GABRA3: variants seen among roughly 807,000 people sequenced by gnomAD.
GABRA3 encodes the protein gamma-aminobutyric acid type A receptor subunit alpha3, also known as gamma-aminobutyric acid receptor subunit alpha-3.
In GABRA3, 10 loss-of-function variants were observed where a neutral mutation model predicts 30.1. The observed-to-expected ratio is 0.33, with a 90% CI of 0.20 to 0.56. GABRA3 has a LOEUF of 0.56. GABRA3 is among the 20% of genes least tolerant of loss of function. GABRA3 has a pLI of 0.89. For missense variants in GABRA3, 233 were observed against 392.0 expected, an observed-to-expected ratio of 0.59 and a Z score of 3.42; for synonymous variants, 151 against 146.8, an observed-to-expected ratio of 1.03 and a Z score of -0.21.
At chrX:152,385,989 A>C (rs1484634865) in intron 1 of GABRA3, among the ~76,000 whole-genome samples, 1 of 110,295 alleles carries the variant, frequency 9.1e-6, no homozygotes, top group Non-Finnish European at 1.9e-5. Context: ...TGTTTTGGTT[A>C]CTGTAGCCTT....
At chrX:152,379,757 T>C (rs1036620484) in intron 1 of GABRA3, among the ~76,000 whole-genome samples, 1 of 111,960 alleles carries the variant, frequency 8.9e-6, no homozygotes, top group Non-Finnish European at 1.9e-5. Flanking sequence ...TTTTGAAGAA[T>C]AAGGCAAAAG....
At chrX:152,450,894 A>C (rs1405339967) in intron 1 of GABRA3, among the ~76,000 whole-genome samples, 1 of 112,610 alleles carries the variant, frequency 8.9e-6, no homozygotes, top group African/African-American at 3.2e-5. Context: ...ACTGACAATG[A>C]AGCAAATCAC....
chrX:152,426,910 C>A (rs1930527899), intron 1 of GABRA3, among the ~76,000 whole-genome samples: 1 of 112,111 alleles, frequency 8.9e-6, no homozygotes, highest in African/African-American at 3.2e-5. Flanking sequence ...AGCTAAGAGT[C>A]ATACTTATTT....
chrX:152,341,372 C>A (rs1240912619), intron 3 of GABRA3, among the ~76,000 whole-genome samples: 1 of 110,361 alleles, frequency 9.1e-6, no homozygotes, highest in Admixed American at 9.7e-5. Context: ...ACAATGACTT[C>A]TTTTCCTTTT....
intron 5 of GABRA3, among the ~76,000 whole-genome samples, chrX:152,238,803 G>T (rs1938289063): frequency 9.2e-6 from 1 of 108,204 alleles, no homozygotes; most frequent in Admixed American, 9.8e-5. Flanking sequence ...AGTATTCTCT[G>T]ATGGTAGTTT....
At chrX:152,346,728 C>T (rs770327496) in intron 2 of GABRA3, among the ~76,000 whole-genome samples, 2 of 112,074 alleles carry the variant, frequency 1.8e-5, no homozygotes, top group African/African-American at 3.2e-5. Flanking sequence ...GACAAACAGG[C>T]ATATGAAAAG....
intron 1 of GABRA3, among the ~76,000 whole-genome samples, chrX:152,370,609 C>G (rs1402525002): frequency 2.7e-5 from 3 of 111,855 alleles, no homozygotes; most frequent in African/African-American, 9.8e-5. Context: ...TAATCTAATT[C>G]ATATGTAGCA....
At chrX:152,366,656 T>C (rs1337729506) in intron 1 of GABRA3, among the ~76,000 whole-genome samples, 4 of 112,201 alleles carry the variant, frequency 3.6e-5, no homozygotes, top group Non-Finnish European at 7.5e-5. Context: ...TCTGTGACAG[T>C]GAAACAAAGA....
rs146991474 is a variant in GABRA3 at position 152,261,388 on chromosome X, G to A, written c.331-5390C>T. On this transcript the variant is annotated intron_variant, in intron 4 of 9. Transcript: ENST00000370314. ...AAAAGTCCAAATTCAAAGTTTCATC[G>A]GAGACAAGGCAAGTCCTTTCCACCT... 2.3e-3 allele frequency among the ~76,000 whole-genome samples: 253 copies of A among 111,615 alleles called. 1 individual carries two copies. The highest frequency in any genetic ancestry group is 7.7e-3 in the African/African-American group (237 of 30,702).
chrX:152,440,415 T>C (rs1315869301), intron 1 of GABRA3, among the ~76,000 whole-genome samples: 1 of 112,315 alleles, frequency 8.9e-6, no homozygotes, highest in Non-Finnish European at 1.9e-5. Flanking sequence ...CTTTACACTG[T>C]TGGTGGGAGT....
intron 1 of GABRA3, among the ~76,000 whole-genome samples, chrX:152,368,637 T>C (rs2124497541): frequency 9.0e-6 from 1 of 110,558 alleles, no homozygotes; most frequent in Non-Finnish European, 1.9e-5. Flanking sequence ...TAATTTAATA[T>C]CCTTTGGATA....
chrX:152,183,472 C>G (rs5970222), intron 9 of GABRA3, among the ~76,000 whole-genome samples: 4,254 of 96,888 alleles, frequency 0.044, 144 homozygotes, highest in African/African-American at 0.13. Context: ...AAAGGTTTGT[C>G]TATTTTGTTT....
At chrX:152,395,500 A>G (rs761228548) in intron 1 of GABRA3, among the ~76,000 whole-genome samples, 1 of 111,381 alleles carries the variant, frequency 9.0e-6, no homozygotes, top group African/African-American at 3.3e-5. Flanking sequence ...ATTCAGACGC[A>G]TGTCCCTATC....
chrX:152,447,810 T>A (rs1278348962), intron 1 of GABRA3, among the ~76,000 whole-genome samples: 1 of 112,089 alleles, frequency 8.9e-6, no homozygotes, highest in African/African-American at 3.2e-5. Flanking sequence ...AAGCTGGGTC[T>A]AATTTGGGCC....
intron 5 of GABRA3, among the ~76,000 whole-genome samples, chrX:152,229,981 T>A (rs779125176): frequency 9.0e-6 from 1 of 111,431 alleles, no homozygotes; most frequent in African/African-American, 3.3e-5. Context: ...TCATCTAGCA[T>A]CATAGTTAAT....
At chrX:152,396,843 AATAT>A (rs769008626) in intron 1 of GABRA3, among the ~76,000 whole-genome samples, 2 of 112,101 alleles carry the variant, frequency 1.8e-5, no homozygotes, top group Non-Finnish European at 3.8e-5. Flanking sequence ...TACATGGGCA[AATAT>A]AACTAACATG....
At chrX:152,302,271 A>T (rs973147300) in intron 3 of GABRA3, among the ~76,000 whole-genome samples, 29 of 111,197 alleles carry the variant, frequency 2.6e-4, no homozygotes, top group African/African-American at 7.8e-4. Context: ...AAAAAAAAAT[A>T]GCCAACCACA....
At chrX:152,173,402 G>A (rs1411960054) in intron 9 of GABRA3, among the ~76,000 whole-genome samples, 1 of 111,017 alleles carries the variant, frequency 9.0e-6, no homozygotes, top group African/African-American at 3.3e-5. Flanking sequence ...CATTCCCCAT[G>A]AGGAAGGTTA....
intron 5 of GABRA3, among the ~76,000 whole-genome samples, chrX:152,252,570 T>C (rs1938574625): frequency 9.0e-6 from 1 of 111,656 alleles, no homozygotes; most frequent in African/African-American, 3.2e-5. Context: ...TCTGTCATAT[T>C]TTAAGTACTA....
Sources: allele counts gnomAD v4.1 joint callset (sites outside exome capture counted in the v4.1 genomes callset), GRCh38; gene constraint gnomAD v4.1.1; transcripts MANE v1.5; gene names NCBI Gene and HGNC (gene_info 2026-07-23, HGNC 2026-07-21).